The following SIGLEC8 variants were observed in gnomAD, a reference collection of about 807,000 sequenced individuals.
SIGLEC8 encodes sialic acid-binding Ig-like lectin 8.
In SIGLEC8, 32 loss-of-function variants were observed where a neutral mutation model predicts 42.1. The observed-to-expected ratio is 0.76, with a 90% confidence interval of 0.57 to 1.02. The LOEUF (loss-of-function observed/expected upper bound fraction) is 1.02. SIGLEC8 is among the 50% of genes least tolerant of loss of function. The pLI is 0.00. For synonymous variants in SIGLEC8, 262 were observed against 260.3 expected (o/e 1.01, Z -0.06); for missense variants, 611 against 610.2 (o/e 1.00, Z -0.01).
chr19:51,454,828 G>C lies in SIGLEC8; in HGVS notation c.1052-48C>G. The C allele has an allele frequency of 3.5e-6, 5 of 1,414,000 alleles. No homozygotes were observed. Among genetic ancestry groups the C allele is most frequent in the Non-Finnish European group, 5.0e-6 (5 of 998,582 alleles). The allele number at this position is 1,414,000 out of a possible 1,614,324, so 87.6% of individuals were successfully genotyped here. ...TTGGGGATTTATATCACGGAGAAGT[G>C]GGTCTCTTCCCCTCCCACTGTCTGC... is the stretch of plus-strand genomic sequence containing the variant. On this transcript the variant is annotated intron_variant, in intron 4 of 6. Coordinates refer to ENST00000321424, the MANE Select transcript of SIGLEC8 (RefSeq NM_014442.3). The surrounding 1 kb of genome is among the most constrained non-coding windows in gnomAD (Gnocchi z 4.7).
intron 4 of SIGLEC8, among the ~76,000 whole-genome samples, chr19:51,455,176 C>T (rs370067122): frequency 1.6e-4 from 25 of 152,236 alleles, no homozygotes; most frequent in African/African-American, 5.8e-4. Flanking sequence ...GGCGCTTGTC[C>T]CTCCAAACAC....
intron 6 of SIGLEC8, chr19:51,453,970 C>T (rs1445350490): frequency 1.5e-5 from 15 of 984,938 alleles, no homozygotes; most frequent in South Asian, 4.7e-5. Flanking sequence ...GATGGTGAAT[C>T]GGGGCTATAG....
Position 51,452,268 on chromosome 19 carries a change from G to T in SIGLEC8, c.*111C>A. 1.1e-6 allele frequency: 1 copy of T among 902,760 alleles called. No homozygotes were observed. Among genetic ancestry groups the T allele is most frequent in the Non-Finnish European group, 1.7e-6 (1 of 599,206 alleles). The allele number at this position is 902,760 out of a possible 1,614,324, so 55.9% of individuals were successfully genotyped here. On this transcript the variant is annotated 3_prime_UTR_variant, in exon 7 of 7. Transcript: ENST00000321424. ...AGCTAGAGGCAGGGATGGGTCCCTG[G>T]TAGCCGGGGAAAGGGGAGACATTGG...
Position 51,458,233 on chromosome 19 carries a change from G to A in SIGLEC8, c.155C>T (p.Pro52Leu), listed in dbSNP as rs1418608799. 4.3e-6 allele frequency: 7 copies of A among 1,614,122 alleles called. No homozygotes were observed. Among genetic ancestry groups the A allele is most frequent in the Middle Eastern group, 1.6e-4 (1 of 6,062 alleles). ...GTCAGAGTCAGTCCAGCCATCCTGG[G>A]GGTAGGAGAAGGAGCAGGGCACATG... is the stretch of plus-strand genomic sequence containing the variant. ...CVHVPCSFSY[P>L]QDGWTDSDPV... Residue 52 changes from proline (P) to leucine (L), a missense_variant, in exon 1 of 7, where the codon CCC becomes CTC. Pro to Leu is a moderately conservative substitution (Grantham distance 98). Coordinates refer to ENST00000321424, the MANE Select transcript of SIGLEC8 (RefSeq NM_014442.3).
At position 51,457,463 on chromosome 19, in the gene SIGLEC8, G is replaced by C; in HGVS notation, c.731C>G (p.Ser244Cys). The C allele has an allele frequency of 6.2e-7, 1 of 1,613,622 alleles. No homozygotes were observed. The change falls in exon 2 of 7, where the codon TCC (serine) becomes TGC (cysteine). Residue 244 changes from serine to cysteine, a missense_variant and splice_region_variant. Ser to Cys is a moderately radical substitution (Grantham distance 112). Transcript: ENST00000321424. ...GGGCATCTTGGTCCAGCACTCACAGGACACATCGAGGCGGACGGTACTGGT... is the reference window on the plus strand; with the variant it reads ...GGGCATCTTGGTCCAGCACTCACAGCACACATCGAGGCGGACGGTACTGGT... ...TTTSTVRLDV[S>C]YPPWNLTMTV...
rs149972950 is a variant in SIGLEC8, at chr19:51,457,721, T to C, written c.473A>G (p.Asp158Gly). The C allele has an allele frequency of 5.0e-5, 80 of 1,587,656 alleles. No individual in the cohort carries two copies. Among genetic ancestry groups the C allele is most frequent in the Non-Finnish European group, 6.7e-5 (78 of 1,168,456 alleles). ...CTCTAGGGTCCCTAGGATGAGGATG[T>C]CAGGCCTATGGGTCAGGGCTGGTGA... ...VFVTALTHRP[D>G]ILILGTLESG... is the part of the protein sequence containing the mutation. Residue 158 changes from aspartate (D) to glycine (G), a missense_variant, in exon 2 of 7, where the codon GAC (aspartate) becomes GGC (glycine). Asp to Gly is a moderately conservative substitution (Grantham distance 94). Transcript: ENST00000321424.
chr19:51,457,581 G>A lies in SIGLEC8; in HGVS notation c.613C>T (p.Arg205Cys), dbSNP rs368238857. The A allele has an allele frequency of 8.4e-5, 136 of 1,613,606 alleles. No homozygotes were observed. The Middle Eastern group carries it at 1.2e-3, about 14-fold the overall frequency. Reference sequence around the variant, plus strand: ...GGGGTAAGGGTGAGCACTGAGGAGCGGGCAGTAGTGGGGCCCGGGGAGGAC... The same window carrying A: ...GGGGTAAGGGTGAGCACTGAGGAGCAGGCAGTAGTGGGGCCCGGGGAGGAC... ...SVSSPGPTTA[R>C]SSVLTLTPKP... The change falls in exon 2 of 7, where the codon CGC becomes TGC. Residue 205 changes from arginine to cysteine, a missense_variant. Transcript: ENST00000321424.
Position 51,452,216 on chromosome 19 carries a change from G to C in SIGLEC8, c.*163C>G, listed in dbSNP as rs1385949281. On this transcript the variant is annotated 3_prime_UTR_variant, in exon 7 of 7. Coordinates refer to ENST00000321424, the MANE Select transcript of SIGLEC8 (RefSeq NM_014442.3). ...ATCTAAAATAGTCAACCTCAGAGAGGTCGAGAGGAGAATGGTGGGTAGTAG... is the reference window on the plus strand; with the variant it reads ...ATCTAAAATAGTCAACCTCAGAGAGCTCGAGAGGAGAATGGTGGGTAGTAG... 2 of 545,700 alleles carry C rather than the reference G, an allele frequency of 3.7e-6. No homozygotes were observed. The highest frequency in any genetic ancestry group is 3.3e-6 in the Non-Finnish European group (1 of 306,916). 33.8% of individuals were successfully genotyped at this position (545,700 alleles called of 1,614,324 possible). A position where few individuals can be genotyped will look rare whatever the true frequency, so the allele number is the denominator to read the frequency against.
Position 51,454,211 on chromosome 19 carries a change from TCA to T in SIGLEC8, c.1245+6_1245+7del. 6.2e-7 allele frequency: 1 copy of T among 1,614,002 alleles called. No individual in the cohort carries two copies. Among genetic ancestry groups the T allele is most frequent in the Non-Finnish European group, 8.5e-7 (1 of 1,179,920 alleles). On this transcript the variant is annotated splice_donor_region_variant and intron_variant, in intron 6 of 6. Transcript: ENST00000321424. The surrounding 1 kb of genome is among the most constrained non-coding windows in gnomAD (Gnocchi z 4.7). ...GATGCTCGGTGTGGAGAAGCCCACA[TCA>T]CTCACCTGAGAGGCCGAGCCCCTGA...
At chr19:51,456,240 A>T (rs2122148475) in intron 3 of SIGLEC8, among the ~76,000 whole-genome samples, 1 of 152,272 alleles carries the variant, frequency 6.6e-6, no homozygotes, top group African/African-American at 2.4e-5. Context: ...TAATAAAAGG[A>T]GACAGAGGGT....
Position 51,454,578 on chromosome 19 carries a change from C to A in SIGLEC8, c.1148+106G>T. On this transcript the variant is annotated intron_variant, in intron 5 of 6. Transcript: ENST00000321424. This position sits in a 1 kb window ranked among gnomAD's most constrained non-coding sequence, Gnocchi z 4.7. ...GTGCACCCGTGAGCTCATTCTTGCC[C>A]CAAGCCCTGGACCCATCCAGGTCCT... The A allele has an allele frequency of 1.8e-6, 2 of 1,129,826 alleles. No homozygotes were observed. 70.0% of individuals were successfully genotyped at this position (1,129,826 alleles called of 1,614,324 possible). A position where few individuals can be genotyped will look rare whatever the true frequency, so the allele number is the denominator to read the frequency against.
In SIGLEC8 at chr19:51,454,714, G is replaced by T. The variant is rs748419570; in HGVS notation, c.1118C>A (p.Ala373Asp). Reference sequence around the variant, plus strand: ...GAAGATGATGCAGAAGGACAGGAAGGCCAGGGCTGTGGCTCCAGCTCCCCC... The same window carrying T: ...GAAGATGATGCAGAAGGACAGGAAGTCCAGGGCTGTGGCTCCAGCTCCCCC... Reference protein sequence around the residue: ...AVGGAGATALAFLSFCIIFII... With the variant: ...AVGGAGATALDFLSFCIIFII... The change falls in exon 5 of 7, where the codon GCC becomes GAC. Residue 373 changes from alanine (A) to aspartate (D), a missense_variant. Transcript: ENST00000321424. This position sits in a 1 kb window ranked among gnomAD's most constrained non-coding sequence, Gnocchi z 4.7. 2 of 1,613,774 alleles carry T rather than the reference G, an allele frequency of 1.2e-6. No homozygotes were observed. The highest frequency in any genetic ancestry group is 2.2e-5 in the East Asian group (1 of 44,878).
rs758328895 is a variant in SIGLEC8 at position 51,457,559 on chromosome 19, G to A, written c.635C>T (p.Thr212Ile). Residue 212 changes from threonine to isoleucine, a missense_variant, in exon 2 of 7, where the codon ACC (threonine) becomes ATC (isoleucine). Physicochemically the swap from Thr to Ile is moderately conservative, Grantham distance 89. Coordinates refer to ENST00000321424, the MANE Select transcript of SIGLEC8 (RefSeq NM_014442.3). The part of the protein sequence containing the change: ...TTARSSVLTL[T>I]PKPQDHGTSL... ...GGTGCCGTGGTCCTGGGGCTTTGGG[G>A]TAAGGGTGAGCACTGAGGAGCGGGC... 11 of 1,614,064 alleles carry A rather than the reference G, an allele frequency of 6.8e-6. No homozygotes were observed. In the Admixed American group the frequency reaches 1.8e-4, roughly 27 times the overall value.
chr19:51,452,457 C>A lies in SIGLEC8; in HGVS notation c.1422G>T (p.Lys474Asn). ...EATDSEYSEI[K>N]IHKRETAETQ... ...TCTCTGCAGTTTCTCGCTTGTGGAT[C>A]TTGATCTCCGAGTATTCACTGTCAG... The change falls in exon 7 of 7, where the codon AAG (lysine) becomes AAT (asparagine). Residue 474 changes from lysine to asparagine, a missense_variant. Physicochemically the swap from Lys to Asn is moderately conservative, Grantham distance 94 (BLOSUM62 0). Transcript: ENST00000321424. The A allele has an allele frequency of 3.1e-6, 5 of 1,612,966 alleles. No homozygotes were observed. The highest frequency in any genetic ancestry group is 4.2e-6 in the Non-Finnish European group (5 of 1,179,008).
rs140389811 is a variant in SIGLEC8, at chr19:51,457,539, C to G, written c.655G>C (p.Gly219Arg). The change falls in exon 2 of 7, where the codon GGC becomes CGC. Residue 219 changes from glycine (G) to arginine (R), a missense_variant. Gly to Arg is a moderately radical substitution (Grantham distance 125, BLOSUM62 -2). Transcript: ENST00000321424. ...GTCACCTGACAGGTGAGGCTGGTGC[C>G]GTGGTCCTGGGGCTTTGGGGTAAGG... ...LTLTPKPQDH[G>R]TSLTCQVTLP... 3 of 1,614,006 alleles carry G rather than the reference C, an allele frequency of 1.9e-6. No homozygotes were observed. The highest frequency in any genetic ancestry group is 1.7e-5 in the Admixed American group (1 of 60,014).
rs2122142481 is a variant in SIGLEC8 at position 51,454,062 on chromosome 19, G to C, written c.1245+157C>G. On this transcript the variant is annotated intron_variant, in intron 6 of 6. Transcript: ENST00000321424. This position sits in a 1 kb window ranked among gnomAD's most constrained non-coding sequence, Gnocchi z 4.7. ...AATTGGGGGTAGGGACTGCCATGCT[G>C]TCAGCAAGATGGGGGAGTCCTGTAG... The C allele has an allele frequency of 1.0e-6, 1 of 985,378 alleles. No individual in the cohort carries two copies. Among genetic ancestry groups the C allele is most frequent in the Non-Finnish European group, 1.2e-6 (1 of 829,916 alleles). 61.0% of individuals were successfully genotyped at this position (985,378 alleles called of 1,614,324 possible). A position where few individuals can be genotyped will look rare whatever the true frequency, so the allele number is the denominator to read the frequency against.
rs1297469156 is a variant in SIGLEC8, at chr19:51,454,926, T to G, written c.1052-146A>C. On this transcript the variant is annotated intron_variant, in intron 4 of 6. Coordinates refer to ENST00000321424, the MANE Select transcript of SIGLEC8 (RefSeq NM_014442.3). This position sits in a 1 kb window ranked among gnomAD's most constrained non-coding sequence, Gnocchi z 4.7. ...ACGAATGGGAGGGAGGAAAGGAGAC[T>G]ACTTCTGAGGCCAGTGAGGCATGAG... 6.3e-6 allele frequency: 4 copies of G among 630,570 alleles called. No individual in the cohort carries two copies. The South Asian group carries it at 7.6e-5, about 12-fold the overall frequency. 39.1% of individuals were successfully genotyped at this position (630,570 alleles called of 1,614,324 possible).
rs930342317 is a variant in SIGLEC8 at position 51,458,064 on chromosome 19, G to A, written c.324C>T (p.Ser108=). The change falls in exon 1 of 7, where the codon TCC becomes TCT. Residue 108 remains serine (S), a synonymous_variant. Coordinates refer to ENST00000321424, the MANE Select transcript of SIGLEC8 (RefSeq NM_014442.3). ...LLGDIWSNDC[S]LSIRDARKRD... The stretch of plus-strand genomic sequence containing the variant: ...TCTTCCTGGCGTCTCTGATGCTCAG[G>A]GAGCAGTCGTTGCTCCAAATGTCCC... The A allele has an allele frequency of 1.2e-6, 2 of 1,614,012 alleles. No homozygotes were observed. The highest frequency in any genetic ancestry group is 3.3e-5 in the Admixed American group (2 of 59,990).
At chr19:51,457,311 C>A in intron 2 of SIGLEC8, 80 bp from the exon 3 acceptor site, 1 of 1,520,620 alleles carries the variant, frequency 6.6e-7, no homozygotes, top group Non-Finnish European at 9.0e-7. Flanking sequence ...GCTGCAAATA[C>A]AGGGAAAATG....
Sources: allele counts gnomAD v4.1 joint callset (sites outside exome capture counted in the v4.1 genomes callset), GRCh38; gene constraint gnomAD v4.1.1; non-coding constraint Gnocchi (gnomAD v3.1); transcripts MANE v1.5; gene names NCBI Gene and HGNC (gene_info 2026-07-23, HGNC 2026-07-21).